Variants in METTL24 observed in about 807,000 individuals in gnomAD.
The protein encoded by METTL24 is probable methyltransferase-like protein 24.
Under a neutral mutation model 32.7 loss-of-function variants are expected in METTL24, and 29 were observed. That is an observed-to-expected ratio of 0.89 (90% CI 0.66 to 1.21). The LOEUF is 1.21. Ranked by LOEUF, METTL24 falls within the 50% of genes most tolerant of loss-of-function variation. The pLI, the probability that METTL24 is intolerant of heterozygous loss-of-function variation, is 0.00. For synonymous variants in METTL24, 163 were observed against 179.5 expected, an observed-to-expected ratio of 0.91 and a Z score of 0.73; for missense variants, 439 against 468.1, an observed-to-expected ratio of 0.94 and a Z score of 0.57.
intron 4 of METTL24, among the ~76,000 whole-genome samples, chr6:110,270,837 C>CTTTT (rs3075091): frequency 1.7e-4 from 21 of 124,724 alleles, no homozygotes; most frequent in African/African-American, 6.1e-4. Context: ...CATCTTGATT[C>CTTTT]TTTTTTTTTT....
In METTL24 at chr6:110,245,493, T is replaced by C. The variant is rs1778137636; in HGVS notation, c.*453A>G. Among the ~76,000 whole-genome samples the C allele has an allele frequency of 2.0e-5, 3 of 152,124 alleles. No homozygotes were observed. The South Asian group carries it at 6.2e-4, about 32-fold the overall frequency. ...CTGAAATCTACAAGGTTGTAAAGAA[T>C]ATCATTAACAAGGTAAATAAGAAAA... is the stretch of plus-strand genomic sequence containing the variant. On this transcript the variant is annotated 3_prime_UTR_variant, in exon 5 of 5. Coordinates refer to ENST00000338882, the MANE Select transcript of METTL24 (RefSeq NM_001123364.3).
chr6:110,343,826 T>C (rs1021170253), intron 1 of METTL24, among the ~76,000 whole-genome samples: 1 of 152,180 alleles, frequency 6.6e-6, no homozygotes, highest in Non-Finnish European at 1.5e-5. Flanking sequence ...AAGGCCTGTG[T>C]TGGTGTCAGT....
At chr6:110,350,162 G>T (rs1173855578) in intron 1 of METTL24, among the ~76,000 whole-genome samples, 1 of 152,236 alleles carries the variant, frequency 6.6e-6, no homozygotes, top group Non-Finnish European at 1.5e-5. Context: ...GAAAGGCAGA[G>T]AATTCCTCAC....
chr6:110,304,594 A>G (rs572827835), intron 3 of METTL24, among the ~76,000 whole-genome samples: 52 of 152,208 alleles, frequency 3.4e-4, no homozygotes, highest in Non-Finnish European at 6.9e-4. Flanking sequence ...ACTTAATGAA[A>G]TAAAGTGTGA....
chr6:110,297,038 A>G (rs1307650765), intron 4 of METTL24, among the ~76,000 whole-genome samples: 1 of 152,268 alleles, frequency 6.6e-6, no homozygotes, highest in Non-Finnish European at 1.5e-5. Context: ...AAGAATATCA[A>G]TATCTTTTAA....
chr6:110,351,540 C>T (rs1772603481), intron 1 of METTL24, among the ~76,000 whole-genome samples: 2 of 152,150 alleles, frequency 1.3e-5, no homozygotes, highest in East Asian at 3.9e-4. Flanking sequence ...TGCTCAAGTC[C>T]AAGGGTTGGT....
chr6:110,322,281 A>G (rs531318145), intron 2 of METTL24, among the ~76,000 whole-genome samples: 1 of 152,216 alleles, frequency 6.6e-6, no homozygotes, highest in Admixed American at 6.5e-5. Flanking sequence ...GAGCCTTTGG[A>G]TTCATTAACT....
chr6:110,311,238 C>T (rs1470107505), intron 3 of METTL24, among the ~76,000 whole-genome samples: 1 of 152,144 alleles, frequency 6.6e-6, no homozygotes, highest in East Asian at 1.9e-4. Context: ...TGAACAGGGG[C>T]ATACTTGTCT....
At position 110,244,497 on chromosome 6, in the gene METTL24, C is replaced by A. The variant is rs952858783; in HGVS notation, c.*1449G>T. ...TTCTCACACTGCTATGAAGATATAC[C>A]TGAGACTGAGTAATTTATAGAGGAA... On this transcript the variant is annotated 3_prime_UTR_variant, in exon 5 of 5. Coordinates refer to ENST00000338882, the MANE Select transcript of METTL24 (RefSeq NM_001123364.3). Among the ~76,000 whole-genome samples, 5 of 152,080 alleles carry A rather than the reference C, an allele frequency of 3.3e-5. No homozygotes were observed. The highest frequency in any genetic ancestry group is 1.2e-4 in the African/African-American group (5 of 41,412).
At chr6:110,335,811 G>A (rs898222842) in intron 1 of METTL24, among the ~76,000 whole-genome samples, 11 of 152,132 alleles carry the variant, frequency 7.2e-5, no homozygotes, top group African/African-American at 2.4e-4. Context: ...TCAGAGAGGT[G>A]AAATGACATG....
chr6:110,339,753 T>C lies in METTL24; in HGVS notation c.319-16881A>G, dbSNP rs984401242. 1.1e-4 allele frequency among the ~76,000 whole-genome samples: 17 copies of C among 152,242 alleles called. 1 individual carries two copies. Among genetic ancestry groups the C allele is most frequent in the Non-Finnish European group, 2.4e-4 (16 of 68,042 alleles). On this transcript the variant is annotated intron_variant, in intron 1 of 4. Transcript: ENST00000338882. ...ACTGTTTCAATCATACTTTATTGTA[T>C]ATAACTGACCAATTACTACAGATTG...
At chr6:110,347,972 A>G (rs907390151) in intron 1 of METTL24, among the ~76,000 whole-genome samples, 4 of 152,226 alleles carry the variant, frequency 2.6e-5, no homozygotes, top group East Asian at 1.9e-4. Flanking sequence ...AGCATATTAT[A>G]TATGCATTAC....
At chr6:110,344,527 A>G (rs1020293779) in intron 1 of METTL24, among the ~76,000 whole-genome samples, 1 of 152,244 alleles carries the variant, frequency 6.6e-6, no homozygotes, top group African/African-American at 2.4e-5. Flanking sequence ...AATTTCTACA[A>G]CTTTTATTGA....
intron 4 of METTL24, among the ~76,000 whole-genome samples, chr6:110,287,709 C>A (rs987647641): frequency 9.2e-5 from 14 of 152,164 alleles, no homozygotes; most frequent in Non-Finnish European, 1.8e-4. Context: ...AATTTTCATG[C>A]CTTGTACGTT....
intron 4 of METTL24, among the ~76,000 whole-genome samples, chr6:110,288,385 A>G (rs186786021): frequency 6.6e-6 from 1 of 152,332 alleles, no homozygotes; most frequent in East Asian, 1.9e-4. Context: ...GGTGGTTCAC[A>G]TATACATTAC....
chr6:110,265,681 T>C (rs973177281), intron 4 of METTL24, among the ~76,000 whole-genome samples: 5 of 152,054 alleles, frequency 3.3e-5, no homozygotes, highest in Non-Finnish European at 2.9e-5. Context: ...AGCAGTAATA[T>C]TGAACCATAA....
chr6:110,261,123 C>T (rs1363008885), intron 4 of METTL24, among the ~76,000 whole-genome samples: 3 of 152,130 alleles, frequency 2.0e-5, no homozygotes, highest in South Asian at 2.1e-4. Context: ...ACAATATTAA[C>T]CTTAAATGTA....
At chr6:110,357,769 A>T in intron 1 of METTL24, 186 bp downstream of exon 1, 1 of 225,336 alleles carries the variant, frequency 4.4e-6, no homozygotes, top group Non-Finnish European at 8.5e-6. Context: ...GCCGCACTTC[A>T]GTCTATCTGG....
chr6:110,352,662 T>C (rs564460493), intron 1 of METTL24, among the ~76,000 whole-genome samples: 2 of 151,998 alleles, frequency 1.3e-5, no homozygotes, highest in South Asian at 2.1e-4. Context: ...AGGACCCAAG[T>C]GGTGTTTTTA....
Sources: allele counts gnomAD v4.1 joint callset (sites outside exome capture counted in the v4.1 genomes callset), GRCh38; gene constraint gnomAD v4.1.1; transcripts MANE v1.5; gene names NCBI Gene and HGNC (gene_info 2026-07-23, HGNC 2026-07-21).